CNTNAP2: variants seen among roughly 807,000 people sequenced by gnomAD.
CNTNAP2 encodes contactin associated protein 2, also known as contactin-associated protein-like 2.
In CNTNAP2, 98 loss-of-function variants were observed where a neutral mutation model predicts 155.2. That is an observed-to-expected ratio of 0.63 (90% CI 0.54 to 0.75). CNTNAP2 has a LOEUF of 0.75. CNTNAP2 is among the 30% of genes least tolerant of loss of function. The pLI is 0.00. For synonymous variants in CNTNAP2, 651 were observed against 631.2 expected, an observed-to-expected ratio of 1.03 and a Z score of -0.47; for missense variants, 1,727 against 1,688.1, an observed-to-expected ratio of 1.02 and a Z score of -0.40.
chr7:147,641,750 C>G (rs1263878922), intron 13 of CNTNAP2, among the ~76,000 whole-genome samples: 2 of 152,030 alleles, frequency 1.3e-5, no homozygotes, highest in Admixed American at 1.3e-4. Flanking sequence ...AGGCAGCCAC[C>G]TGTAAGCCAG....
chr7:146,403,538 C>T (rs1195792343), intron 1 of CNTNAP2, among the ~76,000 whole-genome samples: 1 of 152,032 alleles, frequency 6.6e-6, no homozygotes, highest in African/African-American at 2.4e-5. Flanking sequence ...AATACATTTA[C>T]TTTTGGGGGG....
intron 20 of CNTNAP2, among the ~76,000 whole-genome samples, chr7:148,261,438 C>A (rs1228039728): frequency 1.3e-5 from 2 of 152,232 alleles, no homozygotes; most frequent in African/African-American, 4.8e-5. Flanking sequence ...GGATTATAGG[C>A]GTGAGCCACC....
chr7:148,165,050 A>G (rs1245191729), intron 17 of CNTNAP2, among the ~76,000 whole-genome samples: 1 of 152,024 alleles, frequency 6.6e-6, no homozygotes, highest in Non-Finnish European at 1.5e-5. Flanking sequence ...ACCCTTCCTC[A>G]TTGTCTTGGT....
At chr7:146,811,181 T>TG (rs529938748) in intron 2 of CNTNAP2, among the ~76,000 whole-genome samples, 7 of 152,214 alleles carry the variant, frequency 4.6e-5, no homozygotes, top group South Asian at 2.1e-4. Context: ...TCTCAATTTT[T>TG]GGGGGGGAGA....
intron 1 of CNTNAP2, among the ~76,000 whole-genome samples, chr7:146,161,194 C>A (rs201495445): frequency 6.6e-6 from 1 of 152,124 alleles, no homozygotes; most frequent in Non-Finnish European, 1.5e-5. Flanking sequence ...ATTGATGGGA[C>A]GTATCTCAAA....
intron 18 of CNTNAP2, among the ~76,000 whole-genome samples, chr7:148,180,031 TA>T (rs1204551147): frequency 6.6e-6 from 1 of 152,136 alleles, no homozygotes; most frequent in Non-Finnish European, 1.5e-5. Context: ...GAAAATTAAT[TA>T]ATACAAAATA....
intron 9 of CNTNAP2, among the ~76,000 whole-genome samples, chr7:147,318,813 C>G (rs1284749426): frequency 6.6e-6 from 1 of 151,836 alleles, no homozygotes; most frequent in Non-Finnish European, 1.5e-5. Context: ...CACATGTATC[C>G]CAGAACTTAA....
intron 8 of CNTNAP2, among the ~76,000 whole-genome samples, chr7:147,290,956 T>C (rs893253137): frequency 6.6e-6 from 1 of 152,092 alleles, no homozygotes; most frequent in African/African-American, 2.4e-5. Flanking sequence ...GTTCATGACA[T>C]GCGCAGATCT....
At chr7:146,233,851 C>A (rs802553) in intron 1 of CNTNAP2, among the ~76,000 whole-genome samples, 107,021 of 147,872 alleles carry the variant, frequency 0.72, 39,145 homozygotes, top group East Asian at 0.94. Context: ...ACATTTTCTT[C>A]ATCCAGTCTA....
chr7:146,921,204 T>C (rs1796491199), intron 3 of CNTNAP2, among the ~76,000 whole-genome samples: 1 of 152,160 alleles, frequency 6.6e-6, no homozygotes, highest in Admixed American at 6.5e-5. Context: ...GTCTTGATTG[T>C]GGTGGTAATT....
At chr7:147,249,339 G>A (rs571564175) in intron 8 of CNTNAP2, among the ~76,000 whole-genome samples, 1 of 152,080 alleles carries the variant, frequency 6.6e-6, no homozygotes, top group East Asian at 1.9e-4. Flanking sequence ...CTAAATTTGT[G>A]TTCTACTCAC....
intron 1 of CNTNAP2, among the ~76,000 whole-genome samples, chr7:146,374,798 G>C (rs1316146845): frequency 1.3e-5 from 2 of 152,168 alleles, no homozygotes; most frequent in Non-Finnish European, 2.9e-5. Flanking sequence ...TGTGGTTTTG[G>C]TTTATTTTAA....
intron 23 of CNTNAP2, among the ~76,000 whole-genome samples, chr7:148,409,699 C>G (rs1170051350): frequency 6.6e-6 from 1 of 150,926 alleles, no homozygotes; most frequent in Non-Finnish European, 1.5e-5. Context: ...GGCAGATCAC[C>G]TGAGGTCAGG....
At chr7:146,544,932 G>A (rs183223769) in intron 1 of CNTNAP2, among the ~76,000 whole-genome samples, 6 of 152,028 alleles carry the variant, frequency 3.9e-5, no homozygotes, top group East Asian at 1.9e-4. Context: ...CTGGACTAGA[G>A]GAAGTTATTT....
At chr7:146,727,179 C>A (rs1158278835) in intron 1 of CNTNAP2, among the ~76,000 whole-genome samples, 2 of 151,948 alleles carry the variant, frequency 1.3e-5, no homozygotes, top group African/African-American at 4.8e-5. Context: ...ACGAGATATC[C>A]CCATGATACC....
intron 14 of CNTNAP2, among the ~76,000 whole-genome samples, chr7:147,935,360 C>A (rs1474895320): frequency 2.6e-5 from 4 of 152,098 alleles, no homozygotes; most frequent in Non-Finnish European, 5.9e-5. Flanking sequence ...CTCTTGACCT[C>A]ATGATCTGCC....
At chr7:146,595,857 T>C (rs1798851471) in intron 1 of CNTNAP2, among the ~76,000 whole-genome samples, 1 of 152,094 alleles carries the variant, frequency 6.6e-6, no homozygotes, top group South Asian at 2.1e-4. Context: ...TGAGGTATAG[T>C]TGATCTTTAG....
At chr7:146,471,070 G>A (rs1796791100) in intron 1 of CNTNAP2, among the ~76,000 whole-genome samples, 1 of 152,084 alleles carries the variant, frequency 6.6e-6, no homozygotes, top group Admixed American at 6.6e-5. Context: ...AGAATGATTG[G>A]GAGTGGAATA....
chr7:146,953,641 T>C (rs1231941495), intron 3 of CNTNAP2, among the ~76,000 whole-genome samples: 1 of 151,970 alleles, frequency 6.6e-6, no homozygotes, highest in Admixed American at 6.6e-5. Flanking sequence ...AAAATCTTTG[T>C]TTATTAATTT....
Sources: allele counts gnomAD v4.1 joint callset (sites outside exome capture counted in the v4.1 genomes callset), GRCh38; gene constraint gnomAD v4.1.1; transcripts MANE v1.5; gene names NCBI Gene and HGNC (gene_info 2026-07-23, HGNC 2026-07-21).